The following KLHL14 variants were observed in gnomAD, a reference collection of about 807,000 sequenced individuals.
KLHL14 encodes kelch-like protein 14.
Under a neutral mutation model 64.3 loss-of-function variants are expected in KLHL14, and 22 were observed. That is an observed-to-expected ratio of 0.34 (90% CI 0.24 to 0.49). The LOEUF is 0.49. KLHL14 is among the 20% of genes least tolerant of loss of function. The probability of loss-of-function intolerance (pLI) is 0.99; values close to 1 mark genes in which losing one functional copy is unlikely to be tolerated. For missense variants in KLHL14, 661 were observed against 789.0 expected (o/e 0.84, Z 1.94); for synonymous variants, 322 against 333.4 (o/e 0.97, Z 0.37).
intron 2 of KLHL14, among the ~76,000 whole-genome samples, chr18:32,755,939 C>G (rs1275509860): frequency 6.6e-6 from 1 of 152,156 alleles, no homozygotes; most frequent in African/African-American, 2.4e-5. Flanking sequence ...AACTGTTCAG[C>G]TGCCTAGATA....
At chr18:32,758,598 A>G (rs2050295903) in intron 2 of KLHL14, among the ~76,000 whole-genome samples, 1 of 152,220 alleles carries the variant, frequency 6.6e-6, no homozygotes, top group African/African-American at 2.4e-5. Context: ...GTATATGCAT[A>G]CCCAAGAGAA....
chr18:32,772,171 G>A (rs1396549322), intron 1 of KLHL14: 4 of 338,248 alleles, frequency 1.2e-5, no homozygotes, highest in Non-Finnish European at 2.4e-5. Flanking sequence ...GGATCCCGGC[G>A]GACCTGCCCC....
At chr18:32,730,499 C>T (rs1335634738) in intron 3 of KLHL14, among the ~76,000 whole-genome samples, 2 of 152,134 alleles carry the variant, frequency 1.3e-5, no homozygotes, top group Non-Finnish European at 2.9e-5. Context: ...ATTTTTAATG[C>T]TCAGAGGCAT....
At chr18:32,719,110 G>C (rs9965869) in intron 3 of KLHL14, among the ~76,000 whole-genome samples, 44,483 of 152,042 alleles carry the variant, frequency 0.29, 6,749 homozygotes, top group African/African-American at 0.36. Context: ...CACCACACCT[G>C]GGTAATTTTG....
At chr18:32,738,629 G>A (rs915029421) in intron 3 of KLHL14, 4 of 152,096 alleles carry the variant, frequency 2.6e-5, no homozygotes, top group African/African-American at 9.7e-5. Flanking sequence ...TATATGAAAT[G>A]ATTTTTCCAA....
At chr18:32,695,339 A>G in intron 4 of KLHL14, 124 bp downstream of exon 4, 1 of 678,502 alleles carries the variant, frequency 1.5e-6, no homozygotes. Context: ...TCTCCTTACT[A>G]CTTCATTTGT....
intron 2 of KLHL14, among the ~76,000 whole-genome samples, chr18:32,742,462 G>T (rs1307652647): frequency 6.6e-6 from 1 of 152,136 alleles, no homozygotes; most frequent in Non-Finnish European, 1.5e-5. Context: ...AAAGAACCTT[G>T]AAAAAATTAA....
intron 4 of KLHL14, among the ~76,000 whole-genome samples, chr18:32,689,550 T>C (rs758452359): frequency 4.6e-5 from 7 of 151,982 alleles, no homozygotes; most frequent in Non-Finnish European, 8.8e-5. Context: ...GACTAAGATG[T>C]AAGAAAGTGG....
chr18:32,757,501 G>GT (rs986484956), intron 2 of KLHL14, among the ~76,000 whole-genome samples: 1 of 152,066 alleles, frequency 6.6e-6, no homozygotes, highest in Non-Finnish European at 1.5e-5. Flanking sequence ...GAGAGCTGCT[G>GT]TTTTTTGTTT....
intron 2 of KLHL14, among the ~76,000 whole-genome samples, chr18:32,758,965 G>A (rs1277242611): frequency 6.6e-6 from 1 of 152,158 alleles, no homozygotes; most frequent in African/African-American, 2.4e-5. Context: ...GGGAATGATT[G>A]GTGATTGCTA....
At chr18:32,701,045 T>C (rs1426775597) in intron 3 of KLHL14, among the ~76,000 whole-genome samples, 1 of 152,190 alleles carries the variant, frequency 6.6e-6, no homozygotes, top group Non-Finnish European at 1.5e-5. Context: ...CAGTGCAGTG[T>C]GGAAGGACAT....
chr18:32,750,252 C>T (rs1432714244), intron 2 of KLHL14, among the ~76,000 whole-genome samples: 2 of 152,108 alleles, frequency 1.3e-5, no homozygotes, highest in African/African-American at 4.8e-5. Context: ...TGGTTTTCCA[C>T]AGGCCAGAGG....
At chr18:32,766,791 A>C (rs1389725563) in intron 2 of KLHL14, among the ~76,000 whole-genome samples, 1 of 152,056 alleles carries the variant, frequency 6.6e-6, no homozygotes, top group Non-Finnish European at 1.5e-5. Flanking sequence ...ATTTTATATT[A>C]ATTTGAGTAT....
chr18:32,753,668 G>A (rs913532390), intron 2 of KLHL14, among the ~76,000 whole-genome samples: 2 of 152,096 alleles, frequency 1.3e-5, no homozygotes, highest in African/African-American at 2.4e-5. Context: ...GGATCAGGAC[G>A]AGTTTATCTT....
At position 32,746,046 on chromosome 18, in the gene KLHL14, A is replaced by G. The variant is rs561213925; in HGVS notation, c.948-3997T>C. Among the ~76,000 whole-genome samples the G allele has an allele frequency of 9.8e-5, 15 of 152,328 alleles. 1 individual carries two copies. The South Asian group carries it at 3.1e-3, about 32-fold the overall frequency. ...GAGCTTCTTCTCATGGCAACATAGTATACTTTTTAGAAGCTCTTAACATAG... is the reference window on the plus strand; with the variant it reads ...GAGCTTCTTCTCATGGCAACATAGTGTACTTTTTAGAAGCTCTTAACATAG... On this transcript the variant is annotated intron_variant, in intron 2 of 8. Coordinates refer to ENST00000359358, the MANE Select transcript of KLHL14 (RefSeq NM_020805.3).
chr18:32,734,184 C>T (rs1210716631), intron 3 of KLHL14: 5 of 702,730 alleles, frequency 7.1e-6, no homozygotes, highest in African/African-American at 1.7e-5. Context: ...TGGTTTTCCT[C>T]CTTCTGAACT....
intron 5 of KLHL14, among the ~76,000 whole-genome samples, chr18:32,684,551 T>C (rs1302853902): frequency 6.6e-6 from 1 of 152,134 alleles, no homozygotes; most frequent in Non-Finnish European, 1.5e-5. Flanking sequence ...AAGCTTCCAT[T>C]CAAAATAGCA....
chr18:32,755,392 T>C (rs1314447450), intron 2 of KLHL14, among the ~76,000 whole-genome samples: 1 of 152,200 alleles, frequency 6.6e-6, no homozygotes, highest in Non-Finnish European at 1.5e-5. Flanking sequence ...GTGGCTTGAA[T>C]TATTCTCTAG....
chr18:32,770,217 C>T lies in KLHL14; in HGVS notation c.375G>A (p.Leu125=), dbSNP rs768988208. ...CGATGGACGAGCAGCCCTGCAGCAC[C>T]AGGTTGTTGATGGCCCGGGGGCTGG... ...LLTSPRAINN[L]VLQGCSSIGL... is the part of the protein sequence containing the mutation. The change falls in exon 2 of 9, where the codon CTG becomes CTA. Residue 125 remains leucine (L), a synonymous_variant. Transcript: ENST00000359358. This position sits in a 1 kb window ranked among gnomAD's most constrained non-coding sequence, Gnocchi z 6.7. 1.2e-5 allele frequency: 20 copies of T among 1,609,158 alleles called. No individual in the cohort carries two copies. In the South Asian group the frequency reaches 1.8e-4, roughly 14 times the overall value.
Sources: gnomAD v4.1 joint callset for allele counts (sites outside exome capture counted in the v4.1 genomes callset) on GRCh38, gnomAD v4.1.1 for gene constraint, Gnocchi (gnomAD v3.1) non-coding constraint, MANE v1.5 for transcripts, NCBI Gene and HGNC (gene_info 2026-07-23, HGNC 2026-07-21) for gene names.